The following ANKRD16 variants were observed in gnomAD, a reference collection of about 807,000 sequenced individuals.
ANKRD16 encodes the protein ankyrin repeat domain-containing protein 16.
ANKRD16 carries 35 observed loss-of-function variants against 37.9 expected under a neutral mutation model. The observed-to-expected ratio is 0.92, with a 90% CI of 0.71 to 1.23. The LOEUF (loss-of-function observed/expected upper bound fraction) is 1.23. ANKRD16 is among the 50% of genes most tolerant of loss of function. The pLI is 0.00. For synonymous variants in ANKRD16, 206 were observed against 197.2 expected (o/e 1.04, Z -0.37); for missense variants, 480 against 469.9 (o/e 1.02, Z -0.20).
In ANKRD16 at chr10:5,874,621, C is replaced by G. The variant is rs1447066588; in HGVS notation, c.*33+3476G>C. On this transcript the variant is annotated intron_variant, in intron 7 of 7. Transcript: ENST00000380094. The surrounding 1 kb of genome is among the most constrained non-coding windows in gnomAD (Gnocchi z 4.7). ...ACAGGTTGGGTGAGCTGTGATGCCACCAACCAAGGCAGGAATGCAGGCCTG... is the reference window on the plus strand; with the variant it reads ...ACAGGTTGGGTGAGCTGTGATGCCAGCAACCAAGGCAGGAATGCAGGCCTG... Among the ~76,000 whole-genome samples, 7 of 152,108 alleles carry G rather than the reference C, an allele frequency of 4.6e-5. No individual in the cohort carries two copies. Among genetic ancestry groups the G allele is most frequent in the Admixed American group, 3.3e-4 (5 of 15,274 alleles).
chr10:5,875,318 G>A (rs1016352316), intron 7 of ANKRD16, among the ~76,000 whole-genome samples: 5 of 152,148 alleles, frequency 3.3e-5, no homozygotes, highest in African/African-American at 4.8e-5. Flanking sequence ...GGCTTTTATC[G>A]CCCATTCATT....
intron 3 of ANKRD16, 108 bp downstream of exon 3, chr10:5,885,615 A>G: frequency 8.5e-7 from 1 of 1,175,994 alleles, no homozygotes; most frequent in Non-Finnish European, 1.2e-6. Context: ...TTCTTTTGAA[A>G]GCCTAATTTT....
Position 5,862,683 on chromosome 10 carries a change from C to T in ANKRD16, c.*42G>A. 7.8e-7 allele frequency: 1 copy of T among 1,289,578 alleles called. No individual in the cohort carries two copies. The highest frequency in any genetic ancestry group is 1.2e-5 in the South Asian group (1 of 81,016). 79.9% of individuals were successfully genotyped at this position (1,289,578 alleles called of 1,614,324 possible). On this transcript the variant is annotated 3_prime_UTR_variant, in exon 8 of 8. Coordinates refer to ENST00000380094, the MANE Select transcript of ANKRD16 (RefSeq NM_019046.3). The surrounding 1 kb of genome is among the most constrained non-coding windows in gnomAD (Gnocchi z 6.5). ...CGAAAAACGAAAGGTGCTCAGGCTC[C>T]CAGCAACTCTGTGAAGAAAGAGTTA...
intron 5 of ANKRD16, among the ~76,000 whole-genome samples, chr10:5,880,641 G>A (rs546019810): frequency 5.3e-5 from 8 of 151,868 alleles, no homozygotes; most frequent in Non-Finnish European, 1.2e-4. Flanking sequence ...GAGCAGGGGG[G>A]GGATTAGGCA....
intron 7 of ANKRD16, among the ~76,000 whole-genome samples, chr10:5,872,982 T>C (rs911598966): frequency 2.0e-5 from 3 of 147,980 alleles, no homozygotes; most frequent in Non-Finnish European, 4.5e-5. Context: ...GCCTCAGCCT[T>C]CCAAGCAGCT....
At position 5,861,755 on chromosome 10, in the gene ANKRD16, T is replaced by A. The variant is rs1841943692; in HGVS notation, c.*970A>T. On this transcript the variant is annotated 3_prime_UTR_variant, in exon 8 of 8. Transcript: ENST00000380094. ...GTGGCTTAGATGAAATGTCTTTTTT[T>A]TTTTTGGTTATCAGATAACCCTTTG... The A allele has an allele frequency of 6.6e-6, 1 of 152,146 alleles. No individual in the cohort carries two copies. Among genetic ancestry groups the A allele is most frequent in the Non-Finnish European group, 1.5e-5 (1 of 68,044 alleles). The allele number at this position is 152,146 out of a possible 1,614,324, so 9.4% of individuals were successfully genotyped here. A position where few individuals can be genotyped will look rare whatever the true frequency, so the allele number is the denominator to read the frequency against.
chr10:5,871,850 C>A lies in ANKRD16; in HGVS notation c.*33+6247G>T, dbSNP rs941050477. On this transcript the variant is annotated intron_variant, in intron 7 of 7. Coordinates refer to ENST00000380094, the MANE Select transcript of ANKRD16 (RefSeq NM_019046.3). This position sits in a 1 kb window ranked among gnomAD's most constrained non-coding sequence, Gnocchi z 4.5. ...CACCCTCTCGGAGAAAACTACTGTCCTGTCAAACTGCTTTCTTCTTTCCTT... is the reference window on the plus strand; with the variant it reads ...CACCCTCTCGGAGAAAACTACTGTCATGTCAAACTGCTTTCTTCTTTCCTT... 6.6e-6 allele frequency among the ~76,000 whole-genome samples: 1 copy of A among 152,304 alleles called. No individual in the cohort carries two copies. The highest frequency in any genetic ancestry group is 2.4e-5 in the African/African-American group (1 of 41,550).
chr10:5,880,048 A>C (rs905544752), intron 6 of ANKRD16, among the ~76,000 whole-genome samples: 7 of 151,862 alleles, frequency 4.6e-5, no homozygotes, highest in Admixed American at 2.0e-4. Flanking sequence ...AATTCCAGCT[A>C]CTTGGGAGGC....
At chr10:5,872,687 G>C (rs1008607102) in intron 7 of ANKRD16, among the ~76,000 whole-genome samples, 2 of 150,434 alleles carry the variant, frequency 1.3e-5, no homozygotes, top group Non-Finnish European at 3.0e-5. Context: ...CTCTCGAGTA[G>C]CTAGGACTAC....
At position 5,863,895 on chromosome 10, in the gene ANKRD16, C is replaced by T. The variant is rs1354404667; in HGVS notation, c.*34-1204G>A. Among the ~76,000 whole-genome samples, 2 of 152,122 alleles carry T rather than the reference C, an allele frequency of 1.3e-5. No homozygotes were observed. The highest frequency in any genetic ancestry group is 2.9e-5 in the Non-Finnish European group (2 of 68,032). On this transcript the variant is annotated intron_variant, in intron 7 of 7. Coordinates refer to ENST00000380094, the MANE Select transcript of ANKRD16 (RefSeq NM_019046.3). The surrounding 1 kb of genome is among the most constrained non-coding windows in gnomAD (Gnocchi z 4.7). ...CACCAGAAGGAATAAAGTCCGGATA[C>T]ATTTTGGCGACCCAGATGGGAAACA...
rs752281278 is a variant in ANKRD16 at position 5,883,995 on chromosome 10, C to T, written c.661G>A (p.Ala221Thr). The T allele has an allele frequency of 6.4e-5, 103 of 1,614,026 alleles. 2 individuals are homozygous for T. The highest frequency in any genetic ancestry group is 3.3e-4 in the Middle Eastern group (2 of 6,062). ...CCATGTTCATCGAGGAGCAGCCTAGCGACGTCGATGTGCCCACACTGGATT... is the reference window on the plus strand; with the variant it reads ...CCATGTTCATCGAGGAGCAGCCTAGTGACGTCGATGTGCCCACACTGGATT... Reference protein sequence around the residue: ...DAIQCGHIDVARLLLDEHGAC... With the variant: ...DAIQCGHIDVTRLLLDEHGAC... The change falls in exon 4 of 8, where the codon GCT becomes ACT. Residue 221 changes from alanine (A) to threonine (T), a missense_variant. By Grantham distance (58) the Ala-to-Thr change is moderately conservative. Transcript: ENST00000380094.
chr10:5,876,641 A>T (rs1842190304), intron 7 of ANKRD16, among the ~76,000 whole-genome samples: 1 of 152,242 alleles, frequency 6.6e-6, no homozygotes, highest in African/African-American at 2.4e-5. Context: ...TGGTGGTTAG[A>T]AACAGGAATC....
At position 5,874,712 on chromosome 10, in the gene ANKRD16, T is replaced by G. The variant is rs1454662355; in HGVS notation, c.*33+3385A>C. ...CTGAATGTGAGATGGCCTCAGAACA[T>G]CCATGCAGAAACGTAAGCAGGCAGT... On this transcript the variant is annotated intron_variant, in intron 7 of 7. Transcript: ENST00000380094. The surrounding 1 kb of genome is among the most constrained non-coding windows in gnomAD (Gnocchi z 4.7). Among the ~76,000 whole-genome samples the G allele has an allele frequency of 6.6e-6, 1 of 151,950 alleles. No individual in the cohort carries two copies. Among genetic ancestry groups the G allele is most frequent in the African/African-American group, 2.4e-5 (1 of 41,362 alleles).
In ANKRD16 at chr10:5,885,770, G is replaced by A. The variant is rs1397860278; in HGVS notation, c.536-5C>T. 14 of 1,598,160 alleles carry A rather than the reference G, an allele frequency of 8.8e-6. No individual in the cohort carries two copies. The highest frequency in any genetic ancestry group is 1.1e-5 in the Non-Finnish European group (13 of 1,175,774). On this transcript the variant is annotated splice_polypyrimidine_tract_variant and splice_region_variant and intron_variant, in intron 2 of 7. Transcript: ENST00000380094. Reference sequence around the variant, plus strand: ...CCTCCAAATGGCCATGCATTGCTGGGAGGAGAAAGAAAGCTGAGAATTAGA... The same window carrying A: ...CCTCCAAATGGCCATGCATTGCTGGAAGGAGAAAGAAAGCTGAGAATTAGA...
chr10:5,872,547 A>G (rs1589015940), intron 7 of ANKRD16, among the ~76,000 whole-genome samples: 1 of 151,706 alleles, frequency 6.6e-6, no homozygotes, highest in African/African-American at 2.4e-5. Flanking sequence ...TATGCATTTT[A>G]TTTATTTTTT....
At position 5,883,950 on chromosome 10, in the gene ANKRD16, AACACAACCATTTTTAT is replaced by A; in HGVS notation, c.687+3_687+18del. On this transcript the variant is annotated splice_donor_5th_base_variant and intron_variant, in intron 4 of 7. Transcript: ENST00000380094. The stretch of plus-strand genomic sequence containing the variant: ...TTATAGGAAGAACCAAAAGAATAAA[AACACAACCATTTTTAT>A]ACCCCATGTTCATCGAGGAGCAGCC... The A allele has an allele frequency of 6.2e-7, 1 of 1,609,152 alleles. No individual in the cohort carries two copies.
chr10:5,884,420 A>T (rs1349316635), intron 3 of ANKRD16, among the ~76,000 whole-genome samples: 1 of 152,134 alleles, frequency 6.6e-6, no homozygotes, highest in African/African-American at 2.4e-5. Flanking sequence ...TCAATTCCAC[A>T]GCCAAAATAT....
intron 7 of ANKRD16, among the ~76,000 whole-genome samples, chr10:5,872,819 G>A (rs1216037421): frequency 3.3e-5 from 5 of 151,718 alleles, no homozygotes; most frequent in South Asian, 2.1e-4. Flanking sequence ...GCCTCCCAAA[G>A]TGCTGGCATT....
chr10:5,864,665 G>C lies in ANKRD16; in HGVS notation c.*34-1974C>G, dbSNP rs1375243899. 6.6e-6 allele frequency among the ~76,000 whole-genome samples: 1 copy of C among 151,664 alleles called. No individual in the cohort carries two copies. The highest frequency in any genetic ancestry group is 2.4e-5 in the African/African-American group (1 of 40,974). The stretch of plus-strand genomic sequence containing the variant: ...ATGACAGAATGACAGCCGAAGAAAG[G>C]GACAAATTCCCTACTGGTCAGCAAG... On this transcript the variant is annotated intron_variant, in intron 7 of 7. Transcript: ENST00000380094. This position sits in a 1 kb window ranked among gnomAD's most constrained non-coding sequence, Gnocchi z 4.4.
Sources: gnomAD v4.1 joint callset for allele counts (sites outside exome capture counted in the v4.1 genomes callset) on GRCh38, gnomAD v4.1.1 for gene constraint, Gnocchi (gnomAD v3.1) non-coding constraint, MANE v1.5 for transcripts, NCBI Gene and HGNC (gene_info 2026-07-23, HGNC 2026-07-21) for gene names.